The following PTH2R variants were observed in gnomAD, a reference collection of about 807,000 sequenced individuals.
PTH2R encodes the protein PTH2 receptor.
PTH2R carries 59 observed loss-of-function variants against 60.3 expected under a neutral mutation model. The observed-to-expected ratio is 0.98, with a 90% CI of 0.79 to 1.22. PTH2R has a LOEUF of 1.22. Ranked by LOEUF, PTH2R falls within the 50% of genes most tolerant of loss-of-function variation. The pLI, the probability that PTH2R is intolerant of heterozygous loss-of-function variation, is 0.00. For synonymous variants in PTH2R, 256 were observed against 243.8 expected, an observed-to-expected ratio of 1.05 and a Z score of -0.47; for missense variants, 749 against 682.6, an observed-to-expected ratio of 1.10 and a Z score of -1.08.
At chr2:208,410,012 A>C (rs1462738162) in intron 1 of PTH2R, among the ~76,000 whole-genome samples, 1 of 152,024 alleles carries the variant, frequency 6.6e-6, no homozygotes, top group African/African-American at 2.4e-5. Context: ...ATCTGACAAA[A>C]TTTTTTCCAA....
chr2:208,456,102 C>T (rs772568188), intron 8 of PTH2R, among the ~76,000 whole-genome samples: 14 of 151,738 alleles, frequency 9.2e-5, no homozygotes, highest in Middle Eastern at 3.2e-3. Context: ...ATTAGCTGGG[C>T]GTGGTGGTGC....
intron 1 of PTH2R, among the ~76,000 whole-genome samples, chr2:208,427,910 AAT>A (rs1358174918): frequency 6.6e-6 from 1 of 151,164 alleles, no homozygotes; most frequent in Non-Finnish European, 1.5e-5. Context: ...TTCTTAGTAT[AAT>A]ATCTCTTTTT....
intron 9 of PTH2R, among the ~76,000 whole-genome samples, chr2:208,464,023 CTTG>C (rs1181547392): frequency 6.6e-6 from 1 of 152,230 alleles, no homozygotes; most frequent in Non-Finnish European, 1.5e-5. Context: ...ATTATTAACT[CTTG>C]TTGGTAGGAG....
chr2:208,422,761 T>C (rs1701782213), intron 1 of PTH2R, among the ~76,000 whole-genome samples: 1 of 152,114 alleles, frequency 6.6e-6, no homozygotes, highest in Admixed American at 6.5e-5. Context: ...GTTCCCCCCT[T>C]ATCACTTGTA....
intron 10 of PTH2R, among the ~76,000 whole-genome samples, chr2:208,483,188 C>T (rs1166954639): frequency 6.6e-6 from 1 of 152,174 alleles, no homozygotes; most frequent in Non-Finnish European, 1.5e-5. Context: ...AAATCAGCAG[C>T]TGCTAGTGCC....
At chr2:208,421,862 T>A (rs1701763680) in intron 1 of PTH2R, among the ~76,000 whole-genome samples, 1 of 152,178 alleles carries the variant, frequency 6.6e-6, no homozygotes, top group Non-Finnish European at 1.5e-5. Context: ...CAAAATTCCT[T>A]CTTATAGACC....
chr2:208,360,322 C>T, intron 1 of PTH2R: 1 of 329,286 alleles, frequency 3.0e-6, no homozygotes, highest in Non-Finnish European at 6.1e-6. Flanking sequence ...GAACTTTCGC[C>T]ACACCCGGAG....
intron 1 of PTH2R, among the ~76,000 whole-genome samples, chr2:208,367,490 G>A (rs1219678284): frequency 6.5e-5 from 9 of 138,080 alleles, no homozygotes; most frequent in African/African-American, 2.2e-4. Flanking sequence ...GCACAATCTC[G>A]GCTCACTGCA....
chr2:208,404,324 G>T (rs1032861336), upstream of PTH2R, among the ~76,000 whole-genome samples: 1 of 152,134 alleles, frequency 6.6e-6, no homozygotes, highest in Admixed American at 6.5e-5. Context: ...ATTTTCTTCA[G>T]GCTTTATCTT....
chr2:208,444,951 C>G, intron 7 of PTH2R, 64 bp downstream of exon 7: 2 of 1,479,566 alleles, frequency 1.4e-6, no homozygotes, highest in Non-Finnish European at 9.2e-7. Context: ...TTCTGTCATG[C>G]CCATCATTAG....
chr2:208,480,288 T>C (rs1703116645), intron 9 of PTH2R, among the ~76,000 whole-genome samples: 1 of 152,198 alleles, frequency 6.6e-6, no homozygotes, highest in African/African-American at 2.4e-5. Flanking sequence ...GCAATCTACA[T>C]TTCCATTATT....
intron 9 of PTH2R, among the ~76,000 whole-genome samples, chr2:208,471,489 C>G (rs1350070021): frequency 6.6e-6 from 1 of 152,256 alleles, no homozygotes; most frequent in East Asian, 1.9e-4. Context: ...TCAGAGGGTG[C>G]AAGCCCCAAG....
At chr2:208,370,442 CAAAAAAAAAAAAAAAAAAAAAAA>C (rs71041305) in intron 1 of PTH2R, among the ~76,000 whole-genome samples, 3 of 61,638 alleles carry the variant, frequency 4.9e-5, no homozygotes, top group Non-Finnish European at 8.2e-5. Flanking sequence ...GACTCCGTCT[CAAAAAAAAAAAAAAAAAAAAAAA>C]AAAAAAAAAA....
chr2:208,396,330 G>C (rs1701206621), intron 1 of PTH2R, among the ~76,000 whole-genome samples: 2 of 152,150 alleles, frequency 1.3e-5, no homozygotes, highest in East Asian at 1.9e-4. Context: ...TTAAACTAAA[G>C]AGCTTCTGCA....
intron 9 of PTH2R, among the ~76,000 whole-genome samples, chr2:208,467,560 A>AAAAGGGACT (rs1702781096): frequency 6.6e-6 from 1 of 152,216 alleles, no homozygotes; most frequent in South Asian, 2.1e-4. Context: ...ACAATACTAT[A>AAAAGGGACT]TGCTACACAT....
In PTH2R at chr2:208,494,459, A is replaced by G. The variant is rs1703487673; in HGVS notation, c.*800A>G. The G allele has an allele frequency of 6.6e-6, 1 of 152,228 alleles. No individual in the cohort carries two copies. The highest frequency in any genetic ancestry group is 1.5e-5 in the Non-Finnish European group (1 of 68,028). The allele number at this position is 152,228 out of a possible 1,614,324, so 9.4% of individuals were successfully genotyped here. On this transcript the variant is annotated 3_prime_UTR_variant, in exon 13 of 13. Coordinates refer to ENST00000272847, the MANE Select transcript of PTH2R (RefSeq NM_005048.4). Reference sequence around the variant, plus strand: ...TCTTTTTCTTGTTTGAGCTGTTACTACATTGTACATGGCATGTGGGATCAA... The same window carrying G: ...TCTTTTTCTTGTTTGAGCTGTTACTGCATTGTACATGGCATGTGGGATCAA...
At chr2:208,459,730 T>A (rs1457454108) in intron 8 of PTH2R, among the ~76,000 whole-genome samples, 165 bp from the exon 9 acceptor site, 3 of 152,144 alleles carry the variant, frequency 2.0e-5, no homozygotes, top group Admixed American at 2.0e-4. Context: ...CCCGTTACAC[T>A]TTTTCCCCCC....
At chr2:208,377,943 G>C (rs1388698459) in intron 1 of PTH2R, among the ~76,000 whole-genome samples, 1 of 152,012 alleles carries the variant, frequency 6.6e-6, no homozygotes, top group African/African-American at 2.4e-5. Context: ...CGGCCAGGCA[G>C]AGACGCTCCT....
At chr2:208,447,210 A>C (rs1702303663) in intron 7 of PTH2R, among the ~76,000 whole-genome samples, 1 of 152,106 alleles carries the variant, frequency 6.6e-6, no homozygotes, top group Non-Finnish European at 1.5e-5. Context: ...GGCCTCAAGC[A>C]ATCCTCCTGC....
Sources: allele counts gnomAD v4.1 joint callset (sites outside exome capture counted in the v4.1 genomes callset), GRCh38; gene constraint gnomAD v4.1.1; transcripts MANE v1.5; gene names NCBI Gene and HGNC (gene_info 2026-07-23, HGNC 2026-07-21).